The following TFB1M variants were observed in gnomAD, a reference collection of about 807,000 sequenced individuals.
The protein encoded by TFB1M is dimethyladenosine transferase 1, mitochondrial.
Under a neutral mutation model 31.1 loss-of-function variants are expected in TFB1M, and 27 were observed. That is an observed-to-expected ratio of 0.87 (90% CI 0.64 to 1.20). The LOEUF (loss-of-function observed/expected upper bound fraction) is 1.20. Ranked by LOEUF, TFB1M falls within the 50% of genes most tolerant of loss-of-function variation. The pLI, the probability that TFB1M is intolerant of heterozygous loss-of-function variation, is 0.00. For synonymous variants in TFB1M, 166 were observed against 151.8 expected (o/e 1.09, Z -0.69); for missense variants, 394 against 418.7 (o/e 0.94, Z 0.51).
chr6:155,280,869 G>A (rs949570882), intron 5 of TFB1M, among the ~76,000 whole-genome samples: 7 of 152,104 alleles, frequency 4.6e-5, no homozygotes, highest in African/African-American at 1.7e-4. Context: ...CCTCTAAAAC[G>A]CTCTTCAAAA....
the TFB1M span, among the ~76,000 whole-genome samples, chr6:155,237,776 C>A: frequency 6.6e-6 from 1 of 152,196 alleles, no homozygotes; most frequent in African/African-American, 2.4e-5. Context: ...CTCAGGGCAC[C>A]AATTCCCTGG....
At chr6:155,282,587 G>C (rs902788311) in intron 5 of TFB1M, among the ~76,000 whole-genome samples, 2 of 152,082 alleles carry the variant, frequency 1.3e-5, no homozygotes, top group African/African-American at 4.8e-5. Flanking sequence ...TATTTTTAGC[G>C]CTTAGCTTAT....
chr6:155,263,367 G>A (rs1784476451), intron 5 of TFB1M, among the ~76,000 whole-genome samples: 2 of 152,074 alleles, frequency 1.3e-5, no homozygotes, highest in South Asian at 2.1e-4. Context: ...GTTTAATGCC[G>A]CCAGCCTTTT....
chr6:155,236,587 C>T, the TFB1M span, among the ~76,000 whole-genome samples: 7 of 152,212 alleles, frequency 4.6e-5, 1 homozygote, highest in Middle Eastern at 3.4e-3. Context: ...TGCTTGCACC[C>T]GGGAGGCAGA....
downstream of TFB1M, chr6:155,253,203 TC>T: frequency 1.6e-6 from 1 of 632,832 alleles, no homozygotes; most frequent in Non-Finnish European, 2.7e-6. Flanking sequence ...GTTTTGATGT[TC>T]CTTAGCAGAC....
At chr6:155,269,213 G>C (rs1448545507) in intron 5 of TFB1M, among the ~76,000 whole-genome samples, 1 of 151,578 alleles carries the variant, frequency 6.6e-6, no homozygotes, top group Non-Finnish European at 1.5e-5. Context: ...AGTATGTCAG[G>C]GTTTCAAAAA....
downstream of TFB1M, among the ~76,000 whole-genome samples, chr6:155,251,286 TTTTC>T (rs1300072420): frequency 1.3e-5 from 2 of 152,060 alleles, no homozygotes; most frequent in Admixed American, 6.6e-5. Flanking sequence ...CCTGCTATCT[TTTTC>T]TTTTTCTTTT....
the TFB1M span, among the ~76,000 whole-genome samples, chr6:155,233,875 GT>G: frequency 6.6e-6 from 1 of 151,876 alleles, no homozygotes; most frequent in African/African-American, 2.4e-5. Context: ...AGGTGGGAGG[GT>G]TGCTTAATTT....
rs760917423 is a variant in TFB1M, at chr6:155,297,020, CA to C, written c.478del (p.Cys160ValfsTer13). 1.9e-6 allele frequency: 3 copies of C among 1,613,900 alleles called. No homozygotes were observed. In the South Asian group the frequency reaches 3.3e-5, roughly 18 times the overall value. On this transcript the variant is annotated frameshift_variant, in exon 4 of 7. Transcript: ENST00000367166. LOFTEE classifies it high-confidence loss of function. ...GCCATAAACAAAAGGTCCATCTCTA[CA>C]GGAAATATTTTCAAGCCACTTGATA... ...LIIKWLENISCRDGPFVYGRT... is the reference protein window; with the variant it reads ...LIIKWLENISXRDGPFVYGRT...
intron 2 of TFB1M, among the ~76,000 whole-genome samples, chr6:155,302,430 CTATTTAT>C (rs1777471590): frequency 1.3e-5 from 2 of 152,130 alleles, no homozygotes; most frequent in African/African-American, 4.8e-5. Flanking sequence ...AAGACTACTG[CTATTTAT>C]TCATTAAAAA....
At chr6:155,236,653 ACT>A in the TFB1M span, among the ~76,000 whole-genome samples, 2 of 152,084 alleles carry the variant, frequency 1.3e-5, no homozygotes, top group African/African-American at 2.4e-5. Flanking sequence ...ACAGAGCAAG[ACT>A]CTGTCTCAAA....
At chr6:155,300,049 G>A (rs1386327147) in intron 2 of TFB1M, among the ~76,000 whole-genome samples, 1 of 152,172 alleles carries the variant, frequency 6.6e-6, no homozygotes, top group Admixed American at 6.5e-5. Context: ...GCATGAATAA[G>A]TGAATGACCA....
At chr6:155,301,736 C>G (rs751759417) in intron 2 of TFB1M, among the ~76,000 whole-genome samples, 1 of 152,086 alleles carries the variant, frequency 6.6e-6, no homozygotes, top group Non-Finnish European at 1.5e-5. Flanking sequence ...AAAGAAGAAA[C>G]CGAAAATCAA....
chr6:155,266,203 T>G (rs1429358270), intron 5 of TFB1M, among the ~76,000 whole-genome samples: 1 of 152,136 alleles, frequency 6.6e-6, no homozygotes, highest in Non-Finnish European at 1.5e-5. Flanking sequence ...TTTTTTAAAA[T>G]TCAGAACCCC....
chr6:155,292,038 G>A (rs922290598), intron 4 of TFB1M, among the ~76,000 whole-genome samples: 1 of 152,210 alleles, frequency 6.6e-6, no homozygotes, highest in African/African-American at 2.4e-5. Context: ...CAGGACAACA[G>A]GTGGAGCAGG....
At chr6:155,306,306 T>G (rs1438640131) in intron 2 of TFB1M, among the ~76,000 whole-genome samples, 1 of 152,146 alleles carries the variant, frequency 6.6e-6, no homozygotes, top group African/African-American at 2.4e-5. Context: ...CTGTAAAAAG[T>G]ATAATATACG....
intron 4 of TFB1M, among the ~76,000 whole-genome samples, chr6:155,296,426 A>ATTTTTTTTTTTT (rs71023639): frequency 4.8e-3 from 495 of 103,438 alleles, no homozygotes; most frequent in Non-Finnish European, 5.2e-3. Flanking sequence ...CACCCAGCTA[A>ATTTTTTTTTTTT]TTTTTTTTTT....
intron 4 of TFB1M, among the ~76,000 whole-genome samples, chr6:155,290,091 T>C (rs1776838951): frequency 6.6e-6 from 1 of 152,174 alleles, no homozygotes; most frequent in South Asian, 2.1e-4. Context: ...GTGCATAGAA[T>C]GGACTAACAT....
chr6:155,241,853 G>T, the TFB1M span, among the ~76,000 whole-genome samples: 1 of 152,224 alleles, frequency 6.6e-6, no homozygotes, highest in Non-Finnish European at 1.5e-5. Flanking sequence ...CCAAGTCGCT[G>T]TGTGGCGCTG....
Sources: allele counts gnomAD v4.1 joint callset (sites outside exome capture counted in the v4.1 genomes callset), GRCh38; gene constraint gnomAD v4.1.1; transcripts MANE v1.5; gene names NCBI Gene and HGNC (gene_info 2026-07-23, HGNC 2026-07-21).